CES2: variants seen among roughly 807,000 people sequenced by gnomAD.
CES2 encodes the protein carboxylesterase 2, also known as cocaine esterase.
A neutral mutation model predicts 52.1 loss-of-function variants in CES2; 42 were observed. The ratio of observed to expected loss-of-function variants is 0.81; its 90% CI spans 0.63 to 1.04. The LOEUF is 1.04. Among genes scored for constraint, CES2 ranks in the 50% least tolerant of loss-of-function variants. The probability of loss-of-function intolerance (pLI) is 0.00; values close to 1 mark genes in which losing one functional copy is unlikely to be tolerated. For synonymous variants in CES2, 277 were observed against 289.6 expected, an observed-to-expected ratio of 0.96 and a Z score of 0.44; for missense variants, 656 against 724.3, an observed-to-expected ratio of 0.91 and a Z score of 1.08.
In CES2 at chr16:66,943,233, G is replaced by A. The variant is rs775671571; in HGVS notation, c.1421-66G>A. ...GACCGAGGTCTCGGGGGCCAAGGACGAGCTCCACCTGGGATGCTGAGGTTG... is the reference window on the plus strand; with the variant it reads ...GACCGAGGTCTCGGGGGCCAAGGACAAGCTCCACCTGGGATGCTGAGGTTG... On this transcript the variant is annotated intron_variant, in intron 10 of 11. Coordinates refer to ENST00000317091, the MANE Select transcript of CES2 (RefSeq NM_001365405.1). The surrounding 1 kb of genome is among the most constrained non-coding windows in gnomAD (Gnocchi z 4.2). 5.6e-5 allele frequency: 87 copies of A among 1,554,062 alleles called. No individual in the cohort carries two copies. Among genetic ancestry groups the A allele is most frequent in the Admixed American group, 3.6e-4 (21 of 58,430 alleles).
At chr16:66,937,704 G>T (rs1452886541) in intron 1 of CES2, among the ~76,000 whole-genome samples, 1 of 152,186 alleles carries the variant, frequency 6.6e-6, no homozygotes, top group Admixed American at 6.5e-5. Context: ...AAACTTGCCT[G>T]CCCAATTCCC....
intron 5 of CES2, 116 bp downstream of exon 5, chr16:66,940,811 TG>T: frequency 7.5e-7 from 1 of 1,336,284 alleles, no homozygotes; most frequent in Non-Finnish European, 1.0e-6. Flanking sequence ...CAGGAGCTGC[TG>T]CCTACCGTGG....
In CES2 at chr16:66,939,277, C is replaced by G. The variant is rs1319592397; in HGVS notation, c.342C>G (p.Phe114Leu). ...TTCTTAGCCAGTTCAACATGACCTT[C>G]CCTTCCGACTCCATGTCTGAGGACT... The part of the protein sequence containing the change: ...SEFLSQFNMT[F>L]PSDSMSEDCL... The change falls in exon 3 of 12, where the codon TTC (phenylalanine) becomes TTG (leucine). Residue 114 changes from phenylalanine (F) to leucine (L), a missense_variant. By Grantham distance (22) the Phe-to-Leu change is conservative (BLOSUM62 0). Transcript: ENST00000317091. The G allele has an allele frequency of 1.1e-5, 18 of 1,613,902 alleles. No individual in the cohort carries two copies. The highest frequency in any genetic ancestry group is 1.5e-5 in the Non-Finnish European group (18 of 1,179,770).
At chr16:66,937,975 AAC>A in intron 1 of CES2, 60 bp from the exon 2 acceptor site, 1 of 1,384,828 alleles carries the variant, frequency 7.2e-7, no homozygotes, top group Non-Finnish European at 1.0e-6. Context: ...CAGCAATACC[AAC>A]AGTTGGGAGG....
intron 1 of CES2, 22 bp downstream of exon 1, chr16:66,935,733 G>A (rs766595893): frequency 3.8e-6 from 6 of 1,598,878 alleles, no homozygotes; most frequent in South Asian, 1.1e-5. Flanking sequence ...TCGGAGGGGC[G>A]ACAGGGACCG....
intron 6 of CES2, 25 bp downstream of exon 6, chr16:66,941,247 A>G: frequency 6.2e-7 from 1 of 1,612,806 alleles, no homozygotes; most frequent in African/African-American, 1.3e-5. Flanking sequence ...ATGTGGGTGT[A>G]GAGGAAGGGG....
At chr16:66,935,960 G>A (rs1963201263) in intron 1 of CES2, 8 of 1,412,426 alleles carry the variant, frequency 5.7e-6, no homozygotes, top group Admixed American at 5.8e-5. Flanking sequence ...CAGGAGCGCC[G>A]GGACATGCCA....
chr16:66,943,142 A>T lies in CES2; in HGVS notation c.1421-157A>T, dbSNP rs950641268. The stretch of plus-strand genomic sequence containing the variant: ...CAGCCAGAGCCTGGTCTACAGGGAA[A>T]GTTTGGAAAAGGGGAGGGCTGGCTT... On this transcript the variant is annotated intron_variant, in intron 10 of 11. Transcript: ENST00000317091. This position sits in a 1 kb window ranked among gnomAD's most constrained non-coding sequence, Gnocchi z 4.2. Among the ~76,000 whole-genome samples, 1 of 152,082 alleles carries T rather than the reference A, an allele frequency of 6.6e-6. No individual in the cohort carries two copies. The highest frequency in any genetic ancestry group is 1.5e-5 in the Non-Finnish European group (1 of 68,024).
intron 1 of CES2, 26 bp from the exon 2 acceptor site, chr16:66,938,011 C>T (rs748494673): frequency 2.5e-6 from 4 of 1,602,828 alleles, no homozygotes; most frequent in East Asian, 2.2e-5. Context: ...CAAACCCAAC[C>T]GTGATGTCTG....
chr16:66,940,705 C>T lies in CES2; in HGVS notation c.816+10C>T, dbSNP rs768885998. 15 of 1,613,320 alleles carry T rather than the reference C, an allele frequency of 9.3e-6. No homozygotes were observed. Among genetic ancestry groups the T allele is most frequent in the Non-Finnish European group, 1.2e-5 (14 of 1,179,766 alleles). On this transcript the variant is annotated intron_variant, in intron 5 of 11. Coordinates refer to ENST00000317091, the MANE Select transcript of CES2 (RefSeq NM_001365405.1). ...TGATGTCATCTCCACGGTGAGTGCCCTCAGCTGAAGAGGCCTAGGCCTGCT... is the reference window on the plus strand; with the variant it reads ...TGATGTCATCTCCACGGTGAGTGCCTTCAGCTGAAGAGGCCTAGGCCTGCT...
intron 2 of CES2, 75 bp from the exon 3 acceptor site, chr16:66,939,142 G>A (rs1597006390): frequency 1.5e-6 from 2 of 1,317,260 alleles, no homozygotes; most frequent in Non-Finnish European, 2.2e-6. Context: ...AGGGTGGCTG[G>A]GAGCACCTCT....
Position 66,944,288 on chromosome 16 carries a change from CA to C in CES2, c.*264del. ...GTTTGAGACCGACCAGCCAGGGCAA[CA>C]CAGTGAGACCCCTTCTCAAAAAAAA... On this transcript the variant is annotated 3_prime_UTR_variant, in exon 12 of 12. Coordinates refer to ENST00000317091, the MANE Select transcript of CES2 (RefSeq NM_001365405.1). The C allele has an allele frequency of 4.5e-6, 1 of 220,232 alleles. No homozygotes were observed. The highest frequency in any genetic ancestry group is 8.2e-6 in the Non-Finnish European group (1 of 122,196). The allele number at this position is 220,232 out of a possible 1,614,324, so 13.6% of individuals were successfully genotyped here. A position where few individuals can be genotyped will look rare whatever the true frequency, so the allele number is the denominator to read the frequency against.
At chr16:66,940,884 G>A (rs995772532) in intron 5 of CES2, among the ~76,000 whole-genome samples, 189 bp downstream of exon 5, 1 of 152,228 alleles carries the variant, frequency 6.6e-6, no homozygotes, top group African/African-American at 2.4e-5. Flanking sequence ...GGCCGAGCTT[G>A]TTCTGTGGCT....
At chr16:66,939,049 C>A (rs541885809) in intron 2 of CES2, among the ~76,000 whole-genome samples, 168 bp from the exon 3 acceptor site, 2 of 152,142 alleles carry the variant, frequency 1.3e-5, no homozygotes, top group African/African-American at 4.8e-5. Context: ...TCCCAGCTTC[C>A]CCAGAGCCTG....
chr16:66,935,525 C>T lies in CES2; in HGVS notation c.-111C>T. 4 of 1,614,202 alleles carry T rather than the reference C, an allele frequency of 2.5e-6. No individual in the cohort carries two copies. The highest frequency in any genetic ancestry group is 3.4e-6 in the Non-Finnish European group (4 of 1,180,034). On this transcript the variant is annotated 5_prime_UTR_variant, in exon 1 of 12. Coordinates refer to ENST00000317091, the MANE Select transcript of CES2 (RefSeq NM_001365405.1). ...CACCCCGCTGACTCCCTGCCCAGTC[C>T]AAACTCCAAGGCTGGGCAAGGCACT...
chr16:66,941,546 T>C lies in CES2; in HGVS notation c.956T>C (p.Leu319Pro). 1 of 1,614,158 alleles carries C rather than the reference T, an allele frequency of 6.2e-7. No individual in the cohort carries two copies. The highest frequency in any genetic ancestry group is 1.1e-5 in the South Asian group (1 of 91,088). ...MIPGVVDGVF[L>P]PRHPQELLAS... ...CCCGGAGTGGTGGATGGGGTCTTCC[T>C]GCCCAGGCACCCCCAGGAGCTGCTG... Residue 319 changes from leucine to proline, a missense_variant, in exon 7 of 12, where the codon CTG becomes CCG. By Grantham distance (98) the Leu-to-Pro change is moderately conservative. Coordinates refer to ENST00000317091, the MANE Select transcript of CES2 (RefSeq NM_001365405.1).
chr16:66,943,448 G>C lies in CES2; in HGVS notation c.1493+77G>C, dbSNP rs1963411229. 2.7e-6 allele frequency: 4 copies of C among 1,482,314 alleles called. No individual in the cohort carries two copies. Among genetic ancestry groups the C allele is most frequent in the Non-Finnish European group, 3.8e-6 (4 of 1,064,638 alleles). The allele number at this position is 1,482,314 out of a possible 1,614,324, so 91.8% of individuals were successfully genotyped here. On this transcript the variant is annotated intron_variant, in intron 11 of 11. Transcript: ENST00000317091. This position sits in a 1 kb window ranked among gnomAD's most constrained non-coding sequence, Gnocchi z 4.2. ...ATCCAGTGCTCTCCTAGTCTGGGGT[G>C]ACCTCATGAGCACACCCGCATCCTT...
chr16:66,936,278 C>G (rs1049193464), intron 1 of CES2, among the ~76,000 whole-genome samples: 7 of 152,188 alleles, frequency 4.6e-5, no homozygotes, highest in African/African-American at 1.7e-4. Context: ...AATCCCACCA[C>G]TTTAGAAGGC....
At position 66,942,719 on chromosome 16, in the gene CES2, C is replaced by G; in HGVS notation, c.1354C>G (p.His452Asp). The change falls in exon 10 of 12, where the codon CAC becomes GAC. Residue 452 changes from histidine (H) to aspartate (D), a missense_variant. Physicochemically the swap from His to Asp is moderately conservative, Grantham distance 81. Coordinates refer to ENST00000317091, the MANE Select transcript of CES2 (RefSeq NM_001365405.1). The part of the protein sequence containing the change: ...PSWLKNIRPP[H>D]MKADHGDELP... ...CTGGCTCAAGAACATCAGGCCACCGCACATGAAGGCAGACCATGGTGATGA... is the reference window on the plus strand; with the variant it reads ...CTGGCTCAAGAACATCAGGCCACCGGACATGAAGGCAGACCATGGTGATGA... 2.5e-6 allele frequency: 4 copies of G among 1,614,224 alleles called. No homozygotes were observed. Among genetic ancestry groups the G allele is most frequent in the Non-Finnish European group, 3.4e-6 (4 of 1,180,044 alleles).
Sources: gnomAD v4.1 joint callset for allele counts (sites outside exome capture counted in the v4.1 genomes callset) on GRCh38, gnomAD v4.1.1 for gene constraint, Gnocchi (gnomAD v3.1) non-coding constraint, MANE v1.5 for transcripts, NCBI Gene and HGNC (gene_info 2026-07-23, HGNC 2026-07-21) for gene names.